The following DNAJB4 variants were observed in gnomAD, a reference collection of about 807,000 sequenced individuals.
DNAJB4 encodes dnaJ homolog subfamily B member 4.
Under a neutral mutation model 26.6 loss-of-function variants are expected in DNAJB4, and 10 were observed. The observed-to-expected ratio is 0.38, with a 90% CI of 0.23 to 0.64. DNAJB4 has a LOEUF of 0.64. Ranked by LOEUF, DNAJB4 falls within the 30% of genes least tolerant of loss-of-function variation. The probability of loss-of-function intolerance (pLI) is 0.58; values close to 1 mark genes in which losing one functional copy is unlikely to be tolerated. For missense variants in DNAJB4, 328 were observed against 408.2 expected, an observed-to-expected ratio of 0.80 and a Z score of 1.69; for synonymous variants, 136 against 134.8, an observed-to-expected ratio of 1.01 and a Z score of -0.06.
chr1:77,996,965 G>T (rs1433702559), intron 1 of DNAJB4, among the ~76,000 whole-genome samples: 1 of 152,164 alleles, frequency 6.6e-6, no homozygotes, highest in Non-Finnish European at 1.5e-5. Flanking sequence ...AGAACCACAG[G>T]CGTGAGCCAC....
At chr1:77,983,800 A>G (rs370158980) in intron 1 of DNAJB4, among the ~76,000 whole-genome samples, 1 of 152,206 alleles carries the variant, frequency 6.6e-6, no homozygotes, top group South Asian at 2.1e-4. Flanking sequence ...TTCTACACAG[A>G]CACAGTAACA....
chr1:78,000,960 A>C (rs6424640), upstream of DNAJB4, among the ~76,000 whole-genome samples: 2 of 151,792 alleles, frequency 1.3e-5, no homozygotes. Context: ...TCTATTCTGG[A>C]CCAGCCTGGG....
chr1:78,002,681 C>T (rs1427758244), upstream of DNAJB4, among the ~76,000 whole-genome samples: 2 of 152,118 alleles, frequency 1.3e-5, no homozygotes, highest in East Asian at 1.9e-4. Flanking sequence ...TTACCAAAAG[C>T]TAGCCAGATT....
intron 1 of DNAJB4, among the ~76,000 whole-genome samples, chr1:77,997,559 A>G (rs541103658): frequency 6.6e-6 from 1 of 152,152 alleles, no homozygotes; most frequent in East Asian, 1.9e-4. Flanking sequence ...CCAGCTTCCC[A>G]GGGCAAGCCT....
intron 1 of DNAJB4, among the ~76,000 whole-genome samples, chr1:77,990,341 C>T (rs1444389676): frequency 6.6e-6 from 1 of 152,186 alleles, no homozygotes; most frequent in Non-Finnish European, 1.5e-5. Context: ...ATATCACTTG[C>T]ATTAGGATCC....
chr1:78,015,706 C>T (rs111261181), intron 2 of DNAJB4, among the ~76,000 whole-genome samples: 1 of 151,702 alleles, frequency 6.6e-6, no homozygotes, highest in African/African-American at 2.4e-5. Flanking sequence ...TGTGCCACCA[C>T]GCTCGCCTAA....
chr1:78,005,333 C>G lies in DNAJB4; in HGVS notation c.211+12C>G. The G allele has an allele frequency of 6.3e-7, 1 of 1,594,836 alleles. No individual in the cohort carries two copies. Among genetic ancestry groups the G allele is most frequent in the South Asian group, 1.1e-5 (1 of 87,830 alleles). On this transcript the variant is annotated intron_variant, in intron 1 of 2. Coordinates refer to ENST00000370763, the MANE Select transcript of DNAJB4 (RefSeq NM_007034.5). The stretch of plus-strand genomic sequence containing the variant: ...GTTTGGGGAGGAAGGTAAGTATTCT[C>G]TGTATATCTTTCTGTCTCTTCAGCT...
intron 1 of DNAJB4, among the ~76,000 whole-genome samples, chr1:77,991,380 C>T (rs1471505706): frequency 6.6e-6 from 1 of 152,122 alleles, no homozygotes; most frequent in Non-Finnish European, 1.5e-5. Context: ...GTATTTGTAA[C>T]CCCAAAAGCA....
intron 1 of DNAJB4, among the ~76,000 whole-genome samples, chr1:77,995,560 C>T (rs566281188): frequency 7.4e-4 from 112 of 152,296 alleles, no homozygotes; most frequent in African/African-American, 2.5e-3. Context: ...TCAAGTGATC[C>T]TCCTGCCTCA....
Position 78,013,477 on chromosome 1 carries a change from A to G in DNAJB4, c.638A>G (p.Lys213Arg), listed in dbSNP as rs770488149. Reference protein sequence around the residue: ...EIKKGWKEGTKITFPREGDET... With the variant: ...EIKKGWKEGTRITFPREGDET... ...AAAAAAGGGTGGAAAGAAGGCACCA[A>G]AATTACTTTTCCAAGAGAAGGAGAT... The change falls in exon 2 of 3, where the codon AAA becomes AGA. Residue 213 changes from lysine to arginine, a missense_variant. Coordinates refer to ENST00000370763, the MANE Select transcript of DNAJB4 (RefSeq NM_007034.5). 6.8e-6 allele frequency: 11 copies of G among 1,614,082 alleles called. No individual in the cohort carries two copies. The East Asian group carries it at 1.6e-4, about 23-fold the overall frequency.
chr1:78,001,654 T>A (rs1478325908), upstream of DNAJB4, among the ~76,000 whole-genome samples: 1 of 152,192 alleles, frequency 6.6e-6, no homozygotes, highest in Non-Finnish European at 1.5e-5. Flanking sequence ...TACTTTTAGT[T>A]TTTTGTGGTT....
Position 78,017,546 on chromosome 1 carries a change from A to G in DNAJB4, c.*1299A>G, listed in dbSNP as rs1407303690. Reference sequence around the variant, plus strand: ...GCCATAAAGTTTACCCTTAAAATATATAATTCAGTGGTTTTTAGTGATATT... The same window carrying G: ...GCCATAAAGTTTACCCTTAAAATATGTAATTCAGTGGTTTTTAGTGATATT... On this transcript the variant is annotated 3_prime_UTR_variant, in exon 3 of 3. Coordinates refer to ENST00000370763, the MANE Select transcript of DNAJB4 (RefSeq NM_007034.5). 6.6e-6 allele frequency: 1 copy of G among 152,084 alleles called. No individual in the cohort carries two copies. The highest frequency in any genetic ancestry group is 1.5e-5 in the Non-Finnish European group (1 of 67,956). The allele number at this position is 152,084 out of a possible 1,614,324, so 9.4% of individuals were successfully genotyped here.
At chr1:77,991,046 G>A (rs548226118) in intron 1 of DNAJB4, among the ~76,000 whole-genome samples, 3 of 152,236 alleles carry the variant, frequency 2.0e-5, no homozygotes, top group South Asian at 4.2e-4. Context: ...CTCAAGGTCC[G>A]GGGAATCTAA....
At chr1:77,985,583 T>C (rs1659772646) in intron 1 of DNAJB4, among the ~76,000 whole-genome samples, 2 of 152,204 alleles carry the variant, frequency 1.3e-5, no homozygotes, top group African/African-American at 4.8e-5. Flanking sequence ...TTTATGTGCA[T>C]ATTAAGCTTT....
intron 1 of DNAJB4, among the ~76,000 whole-genome samples, chr1:77,991,540 A>T (rs1659931632): frequency 6.6e-6 from 1 of 152,140 alleles, no homozygotes; most frequent in Non-Finnish European, 1.5e-5. Context: ...TGAGGCCAGG[A>T]GTTCAAGACC....
At chr1:78,012,965 C>A in intron 1 of DNAJB4, 86 bp from the exon 2 acceptor site, 1 of 1,258,962 alleles carries the variant, frequency 7.9e-7, no homozygotes, top group Non-Finnish European at 1.1e-6. Flanking sequence ...GTAAGTTAGC[C>A]AAAATTTATT....
chr1:78,008,773 G>C (rs1660393511), intron 1 of DNAJB4, among the ~76,000 whole-genome samples: 1 of 151,962 alleles, frequency 6.6e-6, no homozygotes, highest in Non-Finnish European at 1.5e-5. Flanking sequence ...CTCTATAGTT[G>C]AATCATTTGA....
At chr1:77,982,982 A>G (rs1009816936) in intron 1 of DNAJB4, among the ~76,000 whole-genome samples, 1 of 152,114 alleles carries the variant, frequency 6.6e-6, no homozygotes, top group Non-Finnish European at 1.5e-5. Flanking sequence ...CACAAAGACA[A>G]AGTATGCTGA....
chr1:77,997,796 T>C (rs1408304341), intron 1 of DNAJB4, among the ~76,000 whole-genome samples: 2 of 152,092 alleles, frequency 1.3e-5, no homozygotes, highest in Admixed American at 1.3e-4. Flanking sequence ...TTTTTTTTCT[T>C]CTTTTCTTTT....
Sources: gnomAD v4.1 joint callset for allele counts (sites outside exome capture counted in the v4.1 genomes callset) on GRCh38, gnomAD v4.1.1 for gene constraint, MANE v1.5 for transcripts, NCBI Gene and HGNC (gene_info 2026-07-23, HGNC 2026-07-21) for gene names.